Variants in TSNARE1 observed in about 807,000 individuals in gnomAD.
TSNARE1 encodes the protein t-SNARE domain-containing protein 1.
A neutral mutation model predicts 62.0 loss-of-function variants in TSNARE1; 49 were observed. The observed-to-expected ratio is 0.79, with a 90% CI of 0.63 to 1.00. The LOEUF (loss-of-function observed/expected upper bound fraction) is 1.00. Ranked by LOEUF, TSNARE1 falls within the 50% of genes least tolerant of loss-of-function variation. TSNARE1 has a pLI of 0.00. For synonymous variants in TSNARE1, 328 were observed against 294.4 expected (o/e 1.11, Z -1.17); for missense variants, 755 against 700.1 (o/e 1.08, Z -0.88).
In TSNARE1 at chr8:142,280,108, C is replaced by G. The variant is rs116184363; in HGVS notation, c.1363+4305G>C. ...CACGCGGTGCTTTCGGGCAGGTGTG[C>G]CCCGCAGCGCCCCGAACAGCAGCGG... On this transcript the variant is annotated intron_variant, in intron 11 of 13. Coordinates refer to ENST00000524325, the MANE Select transcript of TSNARE1 (RefSeq NM_145003.5). 745 of 1,147,398 alleles carry G rather than the reference C, an allele frequency of 6.5e-4. 6 individuals are homozygous for G. The African/African-American group carries it at 0.011, about 17-fold the overall frequency. The allele number at this position is 1,147,398 out of a possible 1,614,324, so 71.1% of individuals were successfully genotyped here. A position where few individuals can be genotyped will look rare whatever the true frequency, so the allele number is the denominator to read the frequency against.
intron 12 of TSNARE1, chr8:142,274,518 C>G: frequency 5.1e-6 from 5 of 985,486 alleles, no homozygotes; most frequent in Non-Finnish European, 6.0e-6. Flanking sequence ...CACCCCGGAT[C>G]CATGGGAGAG....
intron 2 of TSNARE1, among the ~76,000 whole-genome samples, chr8:142,352,260 A>G (rs1475339594): frequency 6.6e-6 from 1 of 152,240 alleles, no homozygotes; most frequent in Admixed American, 6.5e-5. Flanking sequence ...GAAGACCCAC[A>G]TGCCCAATAA....
intron 1 of TSNARE1, among the ~76,000 whole-genome samples, chr8:142,387,356 CCAGA>C (rs140941862): frequency 7.9e-5 from 12 of 152,070 alleles, no homozygotes; most frequent in Non-Finnish European, 1.6e-4. Context: ...AGCATTCACA[CCAGA>C]CATTTAGAAA....
intron 8 of TSNARE1, 100 bp from the exon 9 acceptor site, chr8:142,314,540 C>A: frequency 1.0e-6 from 1 of 988,160 alleles, no homozygotes; most frequent in Non-Finnish European, 1.5e-6. Context: ...GACGACGGTG[C>A]AGCAAAACAC....
At chr8:142,321,670 C>T (rs927180517) in intron 6 of TSNARE1, among the ~76,000 whole-genome samples, 2 of 152,100 alleles carry the variant, frequency 1.3e-5, no homozygotes, top group East Asian at 3.9e-4. Context: ...TACGGAAACA[C>T]AAATCATATC....
At chr8:142,264,518 C>T (rs1345926040) in intron 12 of TSNARE1, among the ~76,000 whole-genome samples, 1 of 152,180 alleles carries the variant, frequency 6.6e-6, no homozygotes, top group African/African-American at 2.4e-5. Context: ...CGTGCTGAAA[C>T]CTTCCGCTGT....
At chr8:142,399,255 T>C (rs568851816) in intron 1 of TSNARE1, among the ~76,000 whole-genome samples, 11 of 152,276 alleles carry the variant, frequency 7.2e-5, no homozygotes, top group Admixed American at 7.2e-4. Context: ...ACAGGAAGGA[T>C]AGTGGAATAA....
At chr8:142,335,264 C>T (rs1016626238) in intron 4 of TSNARE1, among the ~76,000 whole-genome samples, 2 of 151,776 alleles carry the variant, frequency 1.3e-5, no homozygotes, top group African/African-American at 2.4e-5. Context: ...ACCATGTCAA[C>T]GAGGCAGGGT....
At chr8:142,248,168 C>T (rs73364650) in intron 12 of TSNARE1, among the ~76,000 whole-genome samples, 2,662 of 152,326 alleles carry the variant, frequency 0.017, 69 homozygotes, top group African/African-American at 0.054. Context: ...GAGGACGCAG[C>T]TGGGAGACCC....
Position 142,331,810 on chromosome 8 carries a change from T to C in TSNARE1, c.767A>G (p.Asn256Ser). 6.2e-7 allele frequency: 1 copy of C among 1,608,946 alleles called. No individual in the cohort carries two copies. The highest frequency in any genetic ancestry group is 8.5e-7 in the Non-Finnish European group (1 of 1,177,786). ...PPRATQVDPCNLQELFQEMSA... is the reference protein window; with the variant it reads ...PPRATQVDPCSLQELFQEMSA... ...CATCTCCTGGAACAGCTCCTGGAGG[T>C]TGCACGGATCGACCTGGGTGGCTGG... Residue 256 changes from asparagine (N) to serine (S), a missense_variant, in exon 5 of 14, where the codon AAC becomes AGC. Physicochemically the swap from Asn to Ser is conservative, Grantham distance 46 (BLOSUM62 1). Transcript: ENST00000524325.
intron 1 of TSNARE1, among the ~76,000 whole-genome samples, chr8:142,402,273 T>C (rs1447794864): frequency 6.6e-6 from 1 of 151,992 alleles, no homozygotes; most frequent in Non-Finnish European, 1.5e-5. Context: ...TCACAGAACT[T>C]CCTGTGATAA....
chr8:142,323,766 T>C (rs992097388), intron 6 of TSNARE1, among the ~76,000 whole-genome samples: 4 of 152,184 alleles, frequency 2.6e-5, no homozygotes, highest in Non-Finnish European at 2.9e-5. Context: ...CCACTCGCCA[T>C]CACGAGGCAG....
At chr8:142,367,772 G>C (rs938463005) in intron 1 of TSNARE1, among the ~76,000 whole-genome samples, 20 of 152,274 alleles carry the variant, frequency 1.3e-4, no homozygotes, top group African/African-American at 4.3e-4. Flanking sequence ...GAATGAGGAA[G>C]AAAGTCTAAA....
chr8:142,367,897 T>A (rs537765109), intron 1 of TSNARE1, among the ~76,000 whole-genome samples: 4 of 152,090 alleles, frequency 2.6e-5, no homozygotes, highest in Admixed American at 2.6e-4. Flanking sequence ...TGGAAAAAAA[T>A]TGGTTCATAC....
At chr8:142,393,179 CT>C (rs1367895493) in intron 1 of TSNARE1, among the ~76,000 whole-genome samples, 1 of 152,226 alleles carries the variant, frequency 6.6e-6, no homozygotes, top group African/African-American at 2.4e-5. Context: ...CTCCTGGCCC[CT>C]GCAGCAGCCC....
chr8:142,298,917 G>A (rs909565528), intron 10 of TSNARE1, among the ~76,000 whole-genome samples: 3 of 152,214 alleles, frequency 2.0e-5, no homozygotes, highest in South Asian at 2.1e-4. Flanking sequence ...TGGGCCTCGT[G>A]CACCAGCAGG....
At chr8:142,322,714 G>A (rs750633844) in intron 6 of TSNARE1, among the ~76,000 whole-genome samples, 12 of 152,030 alleles carry the variant, frequency 7.9e-5, no homozygotes, top group Admixed American at 3.3e-4. Flanking sequence ...CAGCTTGGCC[G>A]TGCCTGTGGG....
At chr8:142,278,789 G>A in intron 11 of TSNARE1, 1 of 985,436 alleles carries the variant, frequency 1.0e-6, no homozygotes, top group South Asian at 4.7e-5. Context: ...CACCACGTGT[G>A]GGGCTTCCAA....
intron 11 of TSNARE1, chr8:142,280,024 T>C: frequency 8.2e-7 from 1 of 1,219,920 alleles, no homozygotes. Context: ...GTGCTTGAGG[T>C]CCCCCAGGTC....
Sources: allele counts gnomAD v4.1 joint callset (sites outside exome capture counted in the v4.1 genomes callset), GRCh38; gene constraint gnomAD v4.1.1; transcripts MANE v1.5; gene names NCBI Gene and HGNC (gene_info 2026-07-23, HGNC 2026-07-21).